SETD2: variants seen among roughly 807,000 people sequenced by gnomAD.
SETD2 encodes SET domain containing 2, histone lysine methyltransferase, also known as histone-lysine N-methyltransferase SETD2.
SETD2 carries 31 observed loss-of-function variants against 242.1 expected under a neutral mutation model. That is an observed-to-expected ratio of 0.13 (90% confidence interval 0.10 to 0.17). The LOEUF is 0.17. Ranked by LOEUF, SETD2 falls within the 10% of genes least tolerant of loss-of-function variation. SETD2 has a pLI of 1.00. For synonymous variants in SETD2, 1,006 were observed against 1,066.5 expected (o/e 0.94, Z 1.11); for missense variants, 2,481 against 3,046.3 (o/e 0.81, Z 4.37).
chr3:47,128,396 A>G (rs2043397654), intron 1 of SETD2, among the ~76,000 whole-genome samples: 1 of 152,246 alleles, frequency 6.6e-6, no homozygotes, highest in African/African-American at 2.4e-5. Context: ...ACAAAAGGAC[A>G]TGACAGCGAG....
intron 18 of SETD2, among the ~76,000 whole-genome samples, chr3:47,027,336 CAAAAAAAAAAAAAA>C (rs145911577): frequency 0.64 from 67,841 of 106,102 alleles, 19,084 homozygotes; most frequent in South Asian, 0.71. Flanking sequence ...GACTCCATCT[CAAAAAAAAAAAAAA>C]AAAAAAAAAA....
chr3:47,067,221 A>C, intron 12 of SETD2, 103 bp from the exon 13 acceptor site: 6 of 860,128 alleles, frequency 7.0e-6, no homozygotes, highest in Non-Finnish European at 1.2e-5. Flanking sequence ...GGAAAGTAAC[A>C]AGCTGGTACT....
intron 1 of SETD2, among the ~76,000 whole-genome samples, chr3:47,163,137 C>A (rs1428924138): frequency 6.6e-6 from 1 of 152,204 alleles, no homozygotes; most frequent in African/African-American, 2.4e-5. Context: ...AGGAGGCTTT[C>A]ATTTTCAAGC....
chr3:47,105,450 A>C lies in SETD2; in HGVS notation c.4839+547T>G, dbSNP rs76582661. Among the ~76,000 whole-genome samples, 696 of 151,182 alleles carry C rather than the reference A, an allele frequency of 4.6e-3. 9 individuals are homozygous for C. The highest frequency in any genetic ancestry group is 0.016 in the African/African-American group (676 of 41,212). Reference sequence around the variant, plus strand: ...AAAGGCACTCTGGGGGTCATCAATAATTTCTAAGAGTTGTAATCTAAAACA... The same window carrying C: ...AAAGGCACTCTGGGGGTCATCAATACTTTCTAAGAGTTGTAATCTAAAACA... On this transcript the variant is annotated intron_variant, in intron 6 of 20. Coordinates refer to ENST00000409792, the MANE Select transcript of SETD2 (RefSeq NM_014159.7).
Position 47,123,424 on chromosome 3 carries a change from T to C in SETD2, c.1212A>G (p.Arg404=), listed in dbSNP as rs2106703463. Residue 404 remains arginine, a synonymous_variant, in exon 3 of 21, where the codon AGA becomes AGG. Coordinates refer to ENST00000409792, the MANE Select transcript of SETD2 (RefSeq NM_014159.7). The part of the protein sequence containing the change: ...CRSERERRRS[R]SHSRSERGSR... The stretch of plus-strand genomic sequence containing the variant: ...AGCCTCTCTCAGACCTAGAGTGAGA[T>C]CTGCTCCGCCGTCGCTCTCTTTCTG... 6.4e-7 allele frequency: 1 copy of C among 1,551,696 alleles called. No individual in the cohort carries two copies. The highest frequency in any genetic ancestry group is 8.7e-7 in the Non-Finnish European group (1 of 1,146,992).
intron 7 of SETD2, 89 bp downstream of exon 7, chr3:47,103,257 A>T: frequency 1.2e-6 from 1 of 810,770 alleles, no homozygotes; most frequent in Non-Finnish European, 2.1e-6. Context: ...TAAAAAATTC[A>T]TGAGTACCTT....
intron 18 of SETD2, among the ~76,000 whole-genome samples, chr3:47,033,836 A>G (rs1409245706): frequency 1.3e-5 from 2 of 151,888 alleles, no homozygotes; most frequent in Non-Finnish European, 2.9e-5. Context: ...ATGCCCAGCT[A>G]ATTTTTCTAT....
At chr3:47,022,678 G>A (rs1226180671) in intron 18 of SETD2, among the ~76,000 whole-genome samples, 2 of 152,194 alleles carry the variant, frequency 1.3e-5, no homozygotes, top group African/African-American at 2.4e-5. Context: ...AAATCTATGT[G>A]AGGCCGTGGA....
chr3:47,144,005 C>T (rs1332283446), intron 1 of SETD2, among the ~76,000 whole-genome samples: 2 of 152,102 alleles, frequency 1.3e-5, no homozygotes, highest in African/African-American at 4.8e-5. Flanking sequence ...CCACTGCGCC[C>T]GGCCACATTA....
In SETD2 at chr3:47,062,255, C is replaced by T. The variant is rs756561112; in HGVS notation, c.6201G>A (p.Lys2067=). The T allele has an allele frequency of 6.8e-6, 11 of 1,614,048 alleles. No individual in the cohort carries two copies. In the South Asian group the frequency reaches 1.1e-4, roughly 16 times the overall value. Residue 2067 remains lysine (K), a synonymous_variant, in exon 14 of 21, where the codon AAG becomes AAA. Transcript: ENST00000409792. ...PNRSRERDPD[K]QTQNKEKRKR... ...TCCTTTTCTCTTTATTTTGAGTTTG[C>T]TTGTCTGGGTCTCTCTCTCTTGACC...
At chr3:47,112,997 C>T (rs1024297172) in intron 5 of SETD2, among the ~76,000 whole-genome samples, 13 of 152,184 alleles carry the variant, frequency 8.5e-5, no homozygotes, top group Non-Finnish European at 1.5e-5. Context: ...TAAAAACTTA[C>T]ATCAGTTACA....
chr3:47,138,032 C>T (rs1237402316), intron 1 of SETD2, among the ~76,000 whole-genome samples: 4 of 150,550 alleles, frequency 2.7e-5, no homozygotes, highest in Non-Finnish European at 4.4e-5. Flanking sequence ...AGTGCAGTGG[C>T]GCGATCTCGG....
rs72913682 is a variant in SETD2, at chr3:47,107,445, G to A, written c.4716-1325C>T. The stretch of plus-strand genomic sequence containing the variant: ...AGCAGAGCTCAAAAACAGGATTGGA[G>A]AAGTTTATAGTGGATGTATATATAT... On this transcript the variant is annotated intron_variant, in intron 5 of 20. Transcript: ENST00000409792. Among the ~76,000 whole-genome samples the A allele has an allele frequency of 1.1e-3, 172 of 151,672 alleles. 1 individual carries two copies. The highest frequency in any genetic ancestry group is 4.0e-3 in the African/African-American group (164 of 41,046).
chr3:47,152,052 T>C (rs151233531), intron 1 of SETD2, among the ~76,000 whole-genome samples: 36 of 152,314 alleles, frequency 2.4e-4, no homozygotes, highest in African/African-American at 7.9e-4. Context: ...TGCCAAAAAG[T>C]ATACTATACT....
chr3:47,086,130 A>G (rs1575748389), intron 11 of SETD2, 65 bp downstream of exon 11: 2 of 1,567,572 alleles, frequency 1.3e-6, no homozygotes, highest in East Asian at 4.5e-5. Flanking sequence ...ATATTATCAC[A>G]TATCCACAAC....
At chr3:47,105,912 A>G (rs1195861652) in intron 6 of SETD2, 85 bp downstream of exon 6, 1 of 1,452,806 alleles carries the variant, frequency 6.9e-7, no homozygotes, top group Non-Finnish European at 9.2e-7. Context: ...CCAAAAAAAA[A>G]AAAAAAAAAA....
At chr3:47,022,193 T>TCACACACA (rs55972218) in intron 18 of SETD2, among the ~76,000 whole-genome samples, 9,696 of 130,838 alleles carry the variant, frequency 0.074, 434 homozygotes, top group Middle Eastern at 0.15. Context: ...CAACAATCTG[T>TCACACACA]CACACACACA....
At chr3:47,049,735 A>ATTC (rs1266101128) in intron 15 of SETD2, among the ~76,000 whole-genome samples, 3 of 146,214 alleles carry the variant, frequency 2.1e-5, no homozygotes, top group Non-Finnish European at 4.5e-5. Context: ...TTCTGAGTTT[A>ATTC]TATTATATAT....
At position 47,122,385 on chromosome 3, in the gene SETD2, G is replaced by C. The variant is rs115788094; in HGVS notation, c.2251C>G (p.Pro751Ala). The change falls in exon 3 of 21, where the codon CCT becomes GCT. Residue 751 changes from proline to alanine, a missense_variant. Pro to Ala is a conservative substitution (Grantham distance 27). Coordinates refer to ENST00000409792, the MANE Select transcript of SETD2 (RefSeq NM_014159.7). ...TTATCTTGGTGTGGTGACACCAGAG[G>C]TTCTGTTTCTCTAAATGGGCTTTCT... is the stretch of plus-strand genomic sequence containing the variant. ...KSESPFRETE[P>A]LVSPHQDKLM... The C allele has an allele frequency of 6.2e-7, 1 of 1,614,042 alleles. No homozygotes were observed. The highest frequency in any genetic ancestry group is 8.5e-7 in the Non-Finnish European group (1 of 1,179,950).
Sources: allele counts gnomAD v4.1 joint callset (sites outside exome capture counted in the v4.1 genomes callset), GRCh38; gene constraint gnomAD v4.1.1; transcripts MANE v1.5; gene names NCBI Gene and HGNC (gene_info 2026-07-23, HGNC 2026-07-21).